The following RBM33 variants were observed in gnomAD, a reference collection of about 807,000 sequenced individuals.
The protein encoded by RBM33 is RNA binding motif protein 33, also known as RNA-binding protein 33.
In RBM33, 28 loss-of-function variants were observed where a neutral mutation model predicts 132.6. The ratio of observed to expected loss-of-function variants is 0.21; its 90% CI spans 0.16 to 0.29. RBM33 has a LOEUF of 0.29. Ranked by LOEUF, RBM33 falls within the 10% of genes least tolerant of loss-of-function variation. The pLI is 1.00. For missense variants in RBM33, 1,291 were observed against 1,518.5 expected (o/e 0.85, Z 2.49); for synonymous variants, 634 against 593.0 (o/e 1.07, Z -1.01).
At position 155,739,903 on chromosome 7, in the gene RBM33, G is replaced by C; in HGVS notation, c.1926G>C (p.Leu642=). Residue 642 remains leucine, a synonymous_variant, in exon 12 of 18, where the codon CTG becomes CTC. Transcript: ENST00000401878. ...AGCACCACCACCACCACCACCACCTGTCCGTCCCGCCCCCTCCTTTGATGC... is the reference window on the plus strand; with the variant it reads ...AGCACCACCACCACCACCACCACCTCTCCGTCCCGCCCCCTCCTTTGATGC... The part of the protein sequence containing the change: ...QHQHHHHHHH[L]SVPPPPLMPM... The C allele has an allele frequency of 6.5e-7, 1 of 1,544,406 alleles. No individual in the cohort carries two copies. The highest frequency in any genetic ancestry group is 8.7e-7 in the Non-Finnish European group (1 of 1,145,154).
At chr7:155,664,866 A>G (rs1252330565) in intron 1 of RBM33, among the ~76,000 whole-genome samples, 2 of 152,102 alleles carry the variant, frequency 1.3e-5, no homozygotes, top group African/African-American at 4.8e-5. Context: ...CATGCAGTAA[A>G]AAAACACTCA....
intron 8 of RBM33, among the ~76,000 whole-genome samples, chr7:155,711,990 G>A (rs1408759979): frequency 2.6e-5 from 4 of 152,218 alleles, no homozygotes; most frequent in Non-Finnish European, 1.5e-5. Context: ...TTAGATTTTA[G>A]TTTGATGGGT....
At chr7:155,675,946 T>A (rs1585424586) in intron 3 of RBM33, among the ~76,000 whole-genome samples, 1 of 152,194 alleles carries the variant, frequency 6.6e-6, no homozygotes, top group East Asian at 1.9e-4. Context: ...TGATTTCTGC[T>A]TGGTTTAATT....
At position 155,737,711 on chromosome 7, in the gene RBM33, T is replaced by A. The variant is rs768149624; in HGVS notation, c.1393+49T>A. 3 of 1,488,058 alleles carry A rather than the reference T, an allele frequency of 2.0e-6. No homozygotes were observed. The African/African-American group carries it at 4.3e-5, about 21-fold the overall frequency. 92.2% of individuals were successfully genotyped at this position (1,488,058 alleles called of 1,614,324 possible). ...GAGTAACAACAGAAGCTGCATTGGG[T>A]GATGTGCCCAAACACATTTATTTTG... On this transcript the variant is annotated intron_variant, in intron 10 of 17. Transcript: ENST00000401878.
At chr7:155,689,869 T>G (rs1799584731) in intron 5 of RBM33, among the ~76,000 whole-genome samples, 1 of 152,242 alleles carries the variant, frequency 6.6e-6, no homozygotes, top group South Asian at 2.1e-4. Context: ...CTTTTACATT[T>G]GCTGAGGAGT....
Position 155,745,315 on chromosome 7 carries a change from G to A in RBM33, c.2692G>A (p.Ala898Thr). The A allele has an allele frequency of 6.2e-7, 1 of 1,613,084 alleles. No homozygotes were observed. Among genetic ancestry groups the A allele is most frequent in the Non-Finnish European group, 8.5e-7 (1 of 1,179,438 alleles). The change falls in exon 14 of 18, where the codon GCC becomes ACC. Residue 898 changes from alanine to threonine, a missense_variant. Around this residue, in one of 7 missense-constraint regions of RBM33, gnomAD observed 841 missense variants for 912.0 expected, o/e 0.92. Transcript: ENST00000401878. The surrounding 1 kb of genome is among the most constrained non-coding windows in gnomAD (Gnocchi z 4.1). ...PKTSNFVPSS[A>T]NMQYQGQQMK... ...AACATCCAATTTTGTACCATCCAGT[G>A]CCAACATGCAGTATCAAGGACAACA...
chr7:155,745,249 G>T lies in RBM33; in HGVS notation c.2626G>T (p.Val876Phe), dbSNP rs151182852. Reference protein sequence around the residue: ...VRQNVKNRLLVKNQDVSISNV... With the variant: ...VRQNVKNRLLFKNQDVSISNV... ...ACAAAATGTGAAGAACAGACTTCTT[G>T]TTAAAAACCAGGATGTCAGTATTTC... The change falls in exon 14 of 18, where the codon GTT becomes TTT. Residue 876 changes from valine (V) to phenylalanine (F), a missense_variant. By Grantham distance (50) the Val-to-Phe change is conservative (BLOSUM62 -1). Around this residue, in one of 7 missense-constraint regions of RBM33, gnomAD observed 841 missense variants for 912.0 expected, o/e 0.92. Transcript: ENST00000401878. This position sits in a 1 kb window ranked among gnomAD's most constrained non-coding sequence, Gnocchi z 4.1. 42 of 1,612,548 alleles carry T rather than the reference G, an allele frequency of 2.6e-5. No individual in the cohort carries two copies. Among genetic ancestry groups the T allele is most frequent in the Non-Finnish European group, 3.5e-5 (41 of 1,179,298 alleles).
intron 8 of RBM33, among the ~76,000 whole-genome samples, chr7:155,712,404 G>A (rs191542480): frequency 1.0e-3 from 152 of 152,252 alleles, no homozygotes; most frequent in African/African-American, 2.5e-3. Context: ...TTATATTGAC[G>A]AACAAACCAG....
At position 155,701,088 on chromosome 7, in the gene RBM33, G is replaced by T. The variant is rs796966558; in HGVS notation, c.739+144G>T. The T allele has an allele frequency of 3.4e-5, 24 of 710,442 alleles. No individual in the cohort carries two copies. The African/African-American group carries it at 3.9e-4, about 11-fold the overall frequency. The allele number at this position is 710,442 out of a possible 1,614,324, so 44.0% of individuals were successfully genotyped here. On this transcript the variant is annotated intron_variant, in intron 6 of 17. Transcript: ENST00000401878. ...GGAGAGTGGCCGGACTTTGGAGTGA[G>T]TGCTGTTTATGGTACTGTAAAACTC...
At chr7:155,666,586 A>G (rs1798808438) in intron 2 of RBM33, among the ~76,000 whole-genome samples, 1 of 152,232 alleles carries the variant, frequency 6.6e-6, no homozygotes, top group Non-Finnish European at 1.5e-5. Flanking sequence ...TCTTACTAGT[A>G]AGTACTAAAG....
intron 1 of RBM33, among the ~76,000 whole-genome samples, chr7:155,664,092 A>G (rs1254625840): frequency 5.3e-5 from 8 of 152,192 alleles, no homozygotes; most frequent in Non-Finnish European, 1.0e-4. Flanking sequence ...GCTACTTGCC[A>G]CACATGGCAC....
rs114518717 is a variant in RBM33 at position 155,740,794 on chromosome 7, G to A, written c.2049+768G>A. 7.0e-3 allele frequency among the ~76,000 whole-genome samples: 1,069 copies of A among 152,220 alleles called. 18 individuals are homozygous for A. Among genetic ancestry groups the A allele is most frequent in the African/African-American group, 0.024 (1,005 of 41,516 alleles). The stretch of plus-strand genomic sequence containing the variant: ...TGCCTCCATTAAATATATATAAGAG[G>A]CTTTTGTAATTTGGCTTTTAGGAAA... On this transcript the variant is annotated intron_variant, in intron 12 of 17. Transcript: ENST00000401878.
chr7:155,779,682 C>T lies in RBM33; in HGVS notation c.*4641C>T, dbSNP rs1053994683. 4.6e-5 allele frequency: 7 copies of T among 152,198 alleles called. No homozygotes were observed. Among genetic ancestry groups the T allele is most frequent in the Non-Finnish European group, 7.3e-5 (5 of 68,034 alleles). The allele number at this position is 152,198 out of a possible 1,614,324, so 9.4% of individuals were successfully genotyped here. A position where few individuals can be genotyped will look rare whatever the true frequency, so the allele number is the denominator to read the frequency against. On this transcript the variant is annotated 3_prime_UTR_variant, in exon 18 of 18. Coordinates refer to ENST00000401878, the MANE Select transcript of RBM33 (RefSeq NM_053043.3). ...CATATTGGATCCCCAGGTATACCTT[C>T]TGCTGGTAGCATATGGCTGGAAAAG... is the stretch of plus-strand genomic sequence containing the variant.
intron 8 of RBM33, among the ~76,000 whole-genome samples, chr7:155,714,106 G>C (rs1400525935): frequency 6.6e-6 from 1 of 152,188 alleles, no homozygotes; most frequent in African/African-American, 2.4e-5. Context: ...GGATGGGGCT[G>C]CTGAGCCCTT....
chr7:155,702,064 C>T (rs543266940), intron 6 of RBM33, among the ~76,000 whole-genome samples: 18 of 152,166 alleles, frequency 1.2e-4, no homozygotes, highest in Non-Finnish European at 2.1e-4. Context: ...GGATATTGTC[C>T]TTCCAAGGAG....
At chr7:155,650,583 A>G (rs541013803) in intron 1 of RBM33, among the ~76,000 whole-genome samples, 1 of 152,156 alleles carries the variant, frequency 6.6e-6, no homozygotes, top group South Asian at 2.1e-4. Flanking sequence ...CATTTGTGCT[A>G]TCCTTTTATT....
intron 7 of RBM33, among the ~76,000 whole-genome samples, chr7:155,707,952 G>A (rs1200525112): frequency 1.3e-5 from 2 of 152,184 alleles, no homozygotes; most frequent in Non-Finnish European, 2.9e-5. Context: ...GAGCCACTGG[G>A]CCCAACCTAT....
At chr7:155,700,191 CTCAG>C (rs1364379241) in intron 5 of RBM33, among the ~76,000 whole-genome samples, 1 of 152,152 alleles carries the variant, frequency 6.6e-6, no homozygotes, top group African/African-American at 2.4e-5. Context: ...TTTCAATAGT[CTCAG>C]TCAAAGATAG....
intron 2 of RBM33, among the ~76,000 whole-genome samples, chr7:155,667,488 AT>A (rs1206837998): frequency 1.3e-5 from 2 of 152,062 alleles, no homozygotes; most frequent in Non-Finnish European, 2.9e-5. Flanking sequence ...CCCCAAAAGA[AT>A]TTTTTGTTCT....
Sources: allele counts gnomAD v4.1 joint callset (sites outside exome capture counted in the v4.1 genomes callset), GRCh38; gene constraint gnomAD v4.1.1; regional missense constraint gnomAD v4.1.1; non-coding constraint Gnocchi (gnomAD v3.1); transcripts MANE v1.5; gene names NCBI Gene and HGNC (gene_info 2026-07-23, HGNC 2026-07-21).